Variants in ZFHX4 observed in about 807,000 individuals in gnomAD.
The protein encoded by ZFHX4 is zinc finger homeobox protein 4.
A neutral mutation model predicts 267.6 loss-of-function variants in ZFHX4; 56 were observed. The ratio of observed to expected loss-of-function variants is 0.21; its 90% CI spans 0.17 to 0.26. The LOEUF (loss-of-function observed/expected upper bound fraction) is 0.26, where lower values mean the gene tolerates loss of function less well. Ranked by LOEUF, ZFHX4 falls within the 10% of genes least tolerant of loss-of-function variation. The pLI is 1.00. For missense variants in ZFHX4, 4,332 were observed against 4,420.0 expected (o/e 0.98, Z 0.56); for synonymous variants, 1,778 against 1,665.6 (o/e 1.07, Z -1.64).
intron 3 of ZFHX4, among the ~76,000 whole-genome samples, chr8:76,730,682 G>C (rs550897318): frequency 2.0e-5 from 3 of 152,222 alleles, no homozygotes; most frequent in East Asian, 3.9e-4. Context: ...CTGGGTGACA[G>C]AGCGAGACTC....
rs1233393643 is a variant in ZFHX4 at position 76,818,676 on chromosome 8, C to T, written c.3326-14662C>T. On this transcript the variant is annotated intron_variant, in intron 4 of 10. Coordinates refer to ENST00000651372, the MANE Select transcript of ZFHX4 (RefSeq NM_024721.5). ...CCTATAATGCCAGCACTTTGGGAGGCCGAGGCAGGGAGATCACTTGAGCCC... is the reference window on the plus strand; with the variant it reads ...CCTATAATGCCAGCACTTTGGGAGGTCGAGGCAGGGAGATCACTTGAGCCC... Among the ~76,000 whole-genome samples, 7 of 152,086 alleles carry T rather than the reference C, an allele frequency of 4.6e-5. No homozygotes were observed. In the South Asian group the frequency reaches 8.3e-4, roughly 18 times the overall value.
intron 1 of ZFHX4, among the ~76,000 whole-genome samples, chr8:76,699,920 T>TGTTTAA (rs1232168919): frequency 6.6e-6 from 1 of 151,878 alleles, no homozygotes; most frequent in Non-Finnish European, 1.5e-5. Context: ...TGGCAACAAA[T>TGTTTAA]AAACAAGTAT....
At chr8:76,703,922 GT>G (rs1808170640) in intron 1 of ZFHX4, 120 bp from the exon 2 acceptor site, 1 of 742,878 alleles carries the variant, frequency 1.3e-6, no homozygotes, top group African/African-American at 1.8e-5. Flanking sequence ...CCGGTTTTAA[GT>G]TTTTCCCCTT....
intron 1 of ZFHX4, among the ~76,000 whole-genome samples, chr8:76,701,325 T>C (rs1808097509): frequency 1.3e-5 from 2 of 152,136 alleles, no homozygotes; most frequent in Admixed American, 1.3e-4. Context: ...TTTGACTTAG[T>C]TTCTGATTTA....
intron 4 of ZFHX4, among the ~76,000 whole-genome samples, chr8:76,787,669 C>T (rs1263202853): frequency 6.7e-6 from 1 of 149,500 alleles, no homozygotes; most frequent in African/African-American, 2.5e-5. Context: ...AAAAATTAGC[C>T]GGGCATGGTG....
chr8:76,726,406 C>G (rs1294310384), intron 3 of ZFHX4, among the ~76,000 whole-genome samples: 3 of 151,996 alleles, frequency 2.0e-5, no homozygotes, highest in Non-Finnish European at 4.4e-5. Flanking sequence ...TTGGCCAAAT[C>G]ATAATGGACA....
At chr8:76,775,684 C>G (rs1436402502) in intron 3 of ZFHX4, among the ~76,000 whole-genome samples, 1 of 152,154 alleles carries the variant, frequency 6.6e-6, no homozygotes, top group Non-Finnish European at 1.5e-5. Flanking sequence ...CCTGGCACTT[C>G]CTCTGCACCA....
At chr8:76,749,155 G>A (rs1350781682) in intron 3 of ZFHX4, among the ~76,000 whole-genome samples, 2 of 152,188 alleles carry the variant, frequency 1.3e-5, no homozygotes, top group African/African-American at 4.8e-5. Context: ...CACTTCTGGT[G>A]CATGGTGTTC....
chr8:76,683,554 C>G (rs75909903), intron 1 of ZFHX4, among the ~76,000 whole-genome samples: 3 of 151,678 alleles, frequency 2.0e-5, no homozygotes, highest in Non-Finnish European at 2.9e-5. Context: ...GTCTCCCCCC[C>G]ACCCTTTTTA....
intron 4 of ZFHX4, among the ~76,000 whole-genome samples, chr8:76,820,350 C>T (rs1361528988): frequency 6.6e-6 from 1 of 152,030 alleles, no homozygotes; most frequent in African/African-American, 2.4e-5. Flanking sequence ...TACTTAAGTT[C>T]ATTTTCCCCT....
At chr8:76,764,066 A>G (rs1454388216) in intron 3 of ZFHX4, among the ~76,000 whole-genome samples, 4 of 152,212 alleles carry the variant, frequency 2.6e-5, no homozygotes, top group South Asian at 4.1e-4. Context: ...TTAGACTGCA[A>G]CAGGGGTCCT....
intron 6 of ZFHX4, among the ~76,000 whole-genome samples, chr8:76,847,162 C>A (rs944655909): frequency 5.3e-5 from 8 of 152,078 alleles, no homozygotes; most frequent in African/African-American, 7.2e-5. Context: ...TATAAAATAT[C>A]ATAGTTTTCT....
Position 76,704,224 on chromosome 8 carries a change from T to C in ZFHX4, c.136T>C (p.Ser46Pro), listed in dbSNP as rs1271107536. 6.2e-7 allele frequency: 1 copy of C among 1,613,880 alleles called. No individual in the cohort carries two copies. The highest frequency in any genetic ancestry group is 2.2e-5 in the East Asian group (1 of 44,870). The stretch of plus-strand genomic sequence containing the variant: ...GATGGAGCCTGACAGGGAAAACAGC[T>C]CCACAGATGACAACCTGAAAACGGA... The part of the protein sequence containing the change: ...AGMEPDRENS[S>P]TDDNLKTDER... The change falls in exon 2 of 11, where the codon TCC becomes CCC. Residue 46 changes from serine (S) to proline (P), a missense_variant. Physicochemically the swap from Ser to Pro is moderately conservative, Grantham distance 74 (BLOSUM62 -1). Transcript: ENST00000651372.
At chr8:76,716,262 A>G (rs1808570848) in intron 3 of ZFHX4, among the ~76,000 whole-genome samples, 1 of 152,212 alleles carries the variant, frequency 6.6e-6, no homozygotes, top group Admixed American at 6.5e-5. Flanking sequence ...TCCTGATGCC[A>G]GATAATCTGT....
At chr8:76,793,572 G>A (rs895134053) in intron 4 of ZFHX4, among the ~76,000 whole-genome samples, 3 of 152,060 alleles carry the variant, frequency 2.0e-5, no homozygotes, top group Non-Finnish European at 4.4e-5. Flanking sequence ...GATGAATTTG[G>A]GGATGTATAT....
Position 76,704,071 on chromosome 8 carries a change from C to T in ZFHX4, c.-18C>T. On this transcript the variant is annotated 5_prime_UTR_variant, in exon 2 of 11. Coordinates refer to ENST00000651372, the MANE Select transcript of ZFHX4 (RefSeq NM_024721.5). ...CCTGACAGGCTGGATGAAATGAGAT[C>T]CCCATGTAGCAATTGCCATGGAAAC... 2 of 1,580,024 alleles carry T rather than the reference C, an allele frequency of 1.3e-6. No homozygotes were observed. Among genetic ancestry groups the T allele is most frequent in the Non-Finnish European group, 1.7e-6 (2 of 1,164,616 alleles).
chr8:76,850,937 C>T lies in ZFHX4; in HGVS notation c.4016C>T (p.Ala1339Val). 1 of 1,612,958 alleles carries T rather than the reference C, an allele frequency of 6.2e-7. No homozygotes were observed. Residue 1339 changes from alanine (A) to valine (V), a missense_variant, in exon 10 of 11, where the codon GCT becomes GTT. Transcript: ENST00000651372. The stretch of plus-strand genomic sequence containing the variant: ...ATGGCAGGTCTCGAGGATTCAAAGG[C>T]TAATGTGGAAGTAAAGAATGAGGAG... Reference protein sequence around the residue: ...KSMAGLEDSKANVEVKNEEQK... With the variant: ...KSMAGLEDSKVNVEVKNEEQK...
At position 76,851,014 on chromosome 8, in the gene ZFHX4, A is replaced by G. The variant is rs761635987; in HGVS notation, c.4093A>G (p.Ser1365Gly). 3 of 1,613,810 alleles carry G rather than the reference A, an allele frequency of 1.9e-6. No individual in the cohort carries two copies. The highest frequency in any genetic ancestry group is 2.7e-5 in the African/African-American group (2 of 74,924). Residue 1365 changes from serine (S) to glycine (G), a missense_variant, in exon 10 of 11, where the codon AGT (serine) becomes GGT (glycine). By Grantham distance (56) the Ser-to-Gly change is moderately conservative. Coordinates refer to ENST00000651372, the MANE Select transcript of ZFHX4 (RefSeq NM_024721.5). ...AGTCTCAGAATGGAATAAAAATAGC[A>G]GTAAGGATGTGAAAATCCCCGACAC... is the stretch of plus-strand genomic sequence containing the variant. Reference protein sequence around the residue: ...LEVSEWNKNSSKDVKIPDTLQ... With the variant: ...LEVSEWNKNSGKDVKIPDTLQ...
chr8:76,737,599 C>T (rs991717494), intron 3 of ZFHX4, among the ~76,000 whole-genome samples: 4 of 152,178 alleles, frequency 2.6e-5, no homozygotes, highest in African/African-American at 7.2e-5. Context: ...TCTAACCTTC[C>T]GTTTCTTCAT....
Sources: gnomAD v4.1 joint callset for allele counts (sites outside exome capture counted in the v4.1 genomes callset) on GRCh38, gnomAD v4.1.1 for gene constraint, MANE v1.5 for transcripts, NCBI Gene and HGNC (gene_info 2026-07-23, HGNC 2026-07-21) for gene names.